The following PBX1 variants were observed in gnomAD, a reference collection of about 807,000 sequenced individuals.
The protein encoded by PBX1 is PBX homeobox 1.
PBX1 carries 6 observed loss-of-function variants against 53.4 expected under a neutral mutation model. That is an observed-to-expected ratio of 0.11 (90% CI 0.06 to 0.22). The LOEUF (loss-of-function observed/expected upper bound fraction) is 0.22. Ranked by LOEUF, PBX1 falls within the 10% of genes least tolerant of loss-of-function variation. The pLI is 1.00. For synonymous variants in PBX1, 204 were observed against 212.3 expected (o/e 0.96, Z 0.34); for missense variants, 251 against 551.4 (o/e 0.46, Z 5.46).
At chr1:164,816,251 A>G (rs911400925) in intron 6 of PBX1, 9 of 152,184 alleles carry the variant, frequency 5.9e-5, no homozygotes, top group African/African-American at 2.2e-4. Context: ...CCAAGTAGAA[A>G]GTAACAATGA....
intron 2 of PBX1, among the ~76,000 whole-genome samples, chr1:164,875,210 A>G (rs1185982063): frequency 2.0e-5 from 3 of 152,218 alleles, no homozygotes; most frequent in Admixed American, 6.5e-5. Context: ...CTGTGAAGGA[A>G]AAAAGCAAAG....
At chr1:164,857,873 G>A (rs1591834) in intron 2 of PBX1, among the ~76,000 whole-genome samples, 76,129 of 151,990 alleles carry the variant, frequency 0.5, 19,291 homozygotes, top group Middle Eastern at 0.53. Flanking sequence ...GGAGGATTAA[G>A]TGAGTTAATA....
chr1:164,673,488 T>TTTTTTTTTTA (rs60720753), intron 2 of PBX1, among the ~76,000 whole-genome samples: 1 of 144,656 alleles, frequency 6.9e-6, no homozygotes, highest in African/African-American at 2.5e-5. Context: ...TTTTTTTTTT[T>TTTTTTTTTTA]GAGACGGAAT....
At chr1:164,796,211 G>T (rs879902596) in intron 3 of PBX1, among the ~76,000 whole-genome samples, 1 of 151,916 alleles carries the variant, frequency 6.6e-6, no homozygotes, top group Non-Finnish European at 1.5e-5. Flanking sequence ...AGGTTTCACC[G>T]TGTTAGCCAG....
chr1:164,875,426 C>T (rs1298876883), intron 2 of PBX1, among the ~76,000 whole-genome samples: 1 of 152,152 alleles, frequency 6.6e-6, no homozygotes, highest in Non-Finnish European at 1.5e-5. Flanking sequence ...CTTCAGCCTC[C>T]CTTGTAGCTG....
Position 164,559,487 on chromosome 1 carries a change from A to C in PBX1, c.-336A>C. 3.4e-6 allele frequency: 1 copy of C among 290,798 alleles called. No homozygotes were observed. The highest frequency in any genetic ancestry group is 5.0e-5 in the Admixed American group (1 of 19,820). 18.0% of individuals were successfully genotyped at this position (290,798 alleles called of 1,614,324 possible). Reference sequence around the variant, plus strand: ...TGCCTTGCAAAGGAGACCGGACTGAAAAACCTAAAGCCAGCTCTGATTTCT... The same window carrying C: ...TGCCTTGCAAAGGAGACCGGACTGACAAACCTAAAGCCAGCTCTGATTTCT... On this transcript the variant is annotated 5_prime_UTR_variant, in exon 1 of 9. Coordinates refer to ENST00000420696, the MANE Select transcript of PBX1 (RefSeq NM_002585.4).
At chr1:164,759,238 G>T (rs929216061) in intron 2 of PBX1, among the ~76,000 whole-genome samples, 4 of 152,344 alleles carry the variant, frequency 2.6e-5, no homozygotes, top group South Asian at 2.1e-4. Flanking sequence ...GAAGGTGGGT[G>T]AAGAAACCAA....
At chr1:164,752,781 A>G (rs1368612133) in intron 2 of PBX1, among the ~76,000 whole-genome samples, 1 of 152,230 alleles carries the variant, frequency 6.6e-6, no homozygotes, top group Non-Finnish European at 1.5e-5. Context: ...AGTGATCCAC[A>G]TGGAATCTGC....
At chr1:164,880,772 T>C (rs1363293711) in intron 2 of PBX1, among the ~76,000 whole-genome samples, 1 of 152,202 alleles carries the variant, frequency 6.6e-6, no homozygotes, top group Non-Finnish European at 1.5e-5. Context: ...GGATTATCAG[T>C]TCTGTACATA....
In PBX1 at chr1:164,815,172, T is replaced by G. The variant is rs1669820676; in HGVS notation, c.997+3023T>G. 3 of 152,220 alleles carry G rather than the reference T, an allele frequency of 2.0e-5. No homozygotes were observed. In the South Asian group the frequency reaches 6.2e-4, roughly 32 times the overall value. The allele number at this position is 152,220 out of a possible 1,614,324, so 9.4% of individuals were successfully genotyped here. Reference sequence around the variant, plus strand: ...TAATTTCTTAATTTCGATGAGATTATAAAACCTCAGAAAAATGAGGCCCTT... The same window carrying G: ...TAATTTCTTAATTTCGATGAGATTAGAAAACCTCAGAAAAATGAGGCCCTT... On this transcript the variant is annotated intron_variant, in intron 6 of 8. Coordinates refer to ENST00000420696, the MANE Select transcript of PBX1 (RefSeq NM_002585.4).
chr1:164,635,254 T>TC (rs1275399248), intron 2 of PBX1, among the ~76,000 whole-genome samples: 6 of 151,902 alleles, frequency 3.9e-5, no homozygotes, highest in Non-Finnish European at 7.4e-5. Flanking sequence ...AGTCCCCTGC[T>TC]CCCCTGCTGT....
rs529348336 is a variant in PBX1, at chr1:164,670,827, G to C, written c.265+107516G>C. On this transcript the variant is annotated intron_variant, in intron 2 of 8. Coordinates refer to ENST00000420696, the MANE Select transcript of PBX1 (RefSeq NM_002585.4). ...TGAGGGGACAGTGAACAAAGCATTG[G>C]GGGGAGGATCAGAAGGGGTGTTTTC... is the stretch of plus-strand genomic sequence containing the variant. Among the ~76,000 whole-genome samples the C allele has an allele frequency of 7.2e-5, 11 of 152,302 alleles. No homozygotes were observed. In the South Asian group the frequency reaches 2.1e-3, roughly 29 times the overall value.
intron 2 of PBX1, among the ~76,000 whole-genome samples, chr1:164,635,458 A>G (rs1658702689): frequency 6.6e-6 from 1 of 152,240 alleles, no homozygotes; most frequent in South Asian, 2.1e-4. Flanking sequence ...ACCAAGATTA[A>G]TGGTTCTCTT....
intron 2 of PBX1, among the ~76,000 whole-genome samples, chr1:164,628,165 A>T (rs1780339): frequency 0.7 from 106,748 of 152,134 alleles, 37,589 homozygotes; most frequent in Middle Eastern, 0.73. Flanking sequence ...TTTACAAAAA[A>T]GTTTTAAAAA....
intron 2 of PBX1, among the ~76,000 whole-genome samples, chr1:164,646,276 C>T (rs1174421152): frequency 1.3e-5 from 2 of 152,076 alleles, no homozygotes; most frequent in Admixed American, 6.5e-5. Flanking sequence ...TAATCCTCAC[C>T]GCATCTATGT....
At chr1:164,676,793 G>T (rs1288833784) in intron 2 of PBX1, among the ~76,000 whole-genome samples, 2 of 152,204 alleles carry the variant, frequency 1.3e-5, no homozygotes, top group African/African-American at 4.8e-5. Flanking sequence ...GTGTTCCTTT[G>T]CCCAAACCTT....
intron 2 of PBX1, among the ~76,000 whole-genome samples, chr1:164,593,977 T>C (rs1655584835): frequency 6.6e-6 from 1 of 152,232 alleles, no homozygotes; most frequent in South Asian, 2.1e-4. Flanking sequence ...ACTTTAGCCT[T>C]CTTTCACCTG....
intron 2 of PBX1, among the ~76,000 whole-genome samples, chr1:164,873,994 ACTG>A: frequency 7.3e-6 from 1 of 137,204 alleles, no homozygotes; most frequent in Non-Finnish European, 1.6e-5. Flanking sequence ...ACCCAAGATT[ACTG>A]AGGAATTCAG....
chr1:164,653,093 C>A (rs1659934566), intron 2 of PBX1, among the ~76,000 whole-genome samples: 1 of 152,084 alleles, frequency 6.6e-6, no homozygotes, highest in South Asian at 2.1e-4. Context: ...TCTTGAACTC[C>A]TGACCTCAAG....
Sources: allele counts gnomAD v4.1 joint callset (sites outside exome capture counted in the v4.1 genomes callset), GRCh38; gene constraint gnomAD v4.1.1; transcripts MANE v1.5; gene names NCBI Gene and HGNC (gene_info 2026-07-23, HGNC 2026-07-21).